CNNM4: variants seen among roughly 807,000 people sequenced by gnomAD.
CNNM4 encodes the protein metal transporter CNNM4.
A neutral mutation model predicts 53.7 loss-of-function variants in CNNM4; 32 were observed. The ratio of observed to expected loss-of-function variants is 0.60; its 90% CI spans 0.45 to 0.80. CNNM4 has a LOEUF of 0.80. CNNM4 is among the 30% of genes least tolerant of loss of function. CNNM4 has a pLI of 0.00. For synonymous variants in CNNM4, 410 were observed against 440.0 expected, an observed-to-expected ratio of 0.93 and a Z score of 0.85; for missense variants, 784 against 1,022.0, an observed-to-expected ratio of 0.77 and a Z score of 3.17.
rs2078809900 is a variant in CNNM4, at chr2:96,765,627, T to G, written c.1402+3226T>G. On this transcript the variant is annotated intron_variant, in intron 1 of 6. Coordinates refer to ENST00000377075, the MANE Select transcript of CNNM4 (RefSeq NM_020184.4). ...ATTCTTTCTTTCCCCTTTCCAGCAT[T>G]ATAAGCTCCTTGAGGGTAGAGGCCA... is the stretch of plus-strand genomic sequence containing the variant. Among the ~76,000 whole-genome samples the G allele has an allele frequency of 2.0e-5, 3 of 152,108 alleles. No individual in the cohort carries two copies. The South Asian group carries it at 6.2e-4, about 32-fold the overall frequency.
intron 1 of CNNM4, among the ~76,000 whole-genome samples, chr2:96,778,309 G>A (rs187954693): frequency 1.1e-4 from 16 of 151,710 alleles, no homozygotes; most frequent in Admixed American, 1.0e-3. Flanking sequence ...TGTAATCCCA[G>A]CACTTTTGGA....
At chr2:96,802,775 T>C (rs1025919461) in intron 5 of CNNM4, among the ~76,000 whole-genome samples, 15 of 152,354 alleles carry the variant, frequency 9.8e-5, no homozygotes, top group African/African-American at 3.6e-4. Context: ...CAGTGCCATA[T>C]GCTGCTTCTG....
At position 96,799,077 on chromosome 2, in the gene CNNM4, T is replaced by G; in HGVS notation, c.1702T>G (p.Ser568Ala). 1 of 1,614,106 alleles carries G rather than the reference T, an allele frequency of 6.2e-7. No individual in the cohort carries two copies. Among genetic ancestry groups the G allele is most frequent in the Non-Finnish European group, 8.5e-7 (1 of 1,180,002 alleles). The change falls in exon 4 of 7, where the codon TCC becomes GCC. Residue 568 changes from serine to alanine, a missense_variant. Around this residue, in one of 3 missense-constraint regions of CNNM4, gnomAD observed 307 missense variants for 376.3 expected, o/e 0.82. Coordinates refer to ENST00000377075, the MANE Select transcript of CNNM4 (RefSeq NM_020184.4). ...LATEVSQFSP[S>A]LISEKILLRL... is the part of the protein sequence containing the mutation. ...TACAGAGGTCTCTCAGTTTAGCCCC[T>G]CCCTGATATCAGAGAAGATCCTGCT... is the stretch of plus-strand genomic sequence containing the variant.
intron 1 of CNNM4, among the ~76,000 whole-genome samples, chr2:96,780,276 A>T (rs2078962320): frequency 6.6e-6 from 1 of 152,052 alleles, no homozygotes; most frequent in Non-Finnish European, 1.5e-5. Flanking sequence ...TTGATTTTCC[A>T]AAGTTTGTTA....
At chr2:96,782,023 G>T (rs1349646242) in intron 1 of CNNM4, among the ~76,000 whole-genome samples, 3 of 152,136 alleles carry the variant, frequency 2.0e-5, no homozygotes, top group African/African-American at 7.2e-5. Context: ...TCTTTATTCT[G>T]AAATACACTG....
chr2:96,765,024 G>GTTT lies in CNNM4; in HGVS notation c.1402+2663_1402+2665dup, dbSNP rs1158502593. ...GTTTAGGAGTCTGGTGTTGGGAATG[G>GTTT]TTTTTTTTTTTTTTTTTTTTTTTTT... On this transcript the variant is annotated intron_variant, in intron 1 of 6. Transcript: ENST00000377075. 2.1e-3 allele frequency among the ~76,000 whole-genome samples: 87 copies of GTTT among 41,556 alleles called. 20 individuals are homozygous for GTTT. The highest frequency in any genetic ancestry group is 2.7e-3 in the Non-Finnish European group (61 of 22,800). The allele number at this position is 41,556 out of a possible 152,430, so 27.3% of individuals were successfully genotyped here.
At chr2:96,805,422 T>TG (rs1484754971) in intron 5 of CNNM4, among the ~76,000 whole-genome samples, 41 of 139,280 alleles carry the variant, frequency 2.9e-4, no homozygotes, top group Non-Finnish European at 5.1e-4. Context: ...TTTTCAGTTT[T>TG]TTTTTTTTTT....
In CNNM4 at chr2:96,801,684, C is replaced by T. The variant is rs144118000; in HGVS notation, c.1948+2036C>T. ...CACACACACACACACAGAGACCACA[C>T]GCAGAGAGACCACACACACGCAGAG... On this transcript the variant is annotated intron_variant, in intron 5 of 6. Coordinates refer to ENST00000377075, the MANE Select transcript of CNNM4 (RefSeq NM_020184.4). The surrounding 1 kb of genome is among the most constrained non-coding windows in gnomAD (Gnocchi z 5.6). Among the ~76,000 whole-genome samples, 16 of 148,388 alleles carry T rather than the reference C, an allele frequency of 1.1e-4. No homozygotes were observed. Among genetic ancestry groups the T allele is most frequent in the Admixed American group, 2.7e-4 (4 of 14,978 alleles).
intron 1 of CNNM4, among the ~76,000 whole-genome samples, chr2:96,775,460 T>A (rs2078916045): frequency 6.6e-6 from 1 of 152,220 alleles, no homozygotes; most frequent in African/African-American, 2.4e-5. Context: ...GGACATTGCA[T>A]TGTTTGCAGT....
At chr2:96,786,117 T>A (rs931633866) in intron 1 of CNNM4, among the ~76,000 whole-genome samples, 2 of 151,326 alleles carry the variant, frequency 1.3e-5, no homozygotes, top group African/African-American at 4.9e-5. Context: ...TAAAAATAAT[T>A]TTTAAAAAGT....
At chr2:96,773,526 C>T (rs565392285) in intron 1 of CNNM4, among the ~76,000 whole-genome samples, 17 of 152,116 alleles carry the variant, frequency 1.1e-4, no homozygotes, top group Non-Finnish European at 2.2e-4. Context: ...CTGACACCTA[C>T]CATGTACCCA....
chr2:96,809,450 A>G lies in CNNM4; in HGVS notation c.2261A>G (p.Glu754Gly). The G allele has an allele frequency of 1.9e-6, 3 of 1,614,212 alleles. No homozygotes were observed. Among genetic ancestry groups the G allele is most frequent in the Non-Finnish European group, 2.5e-6 (3 of 1,180,020 alleles). The change falls in exon 7 of 7, where the codon GAG becomes GGG. Residue 754 changes from glutamate (E) to glycine (G), a missense_variant. Coordinates refer to ENST00000377075, the MANE Select transcript of CNNM4 (RefSeq NM_020184.4). ...AEKSELPVVDETTTLLNERNS... is the reference protein window; with the variant it reads ...AEKSELPVVDGTTTLLNERNS... ...AAGTCTGAGCTGCCTGTGGTGGACG[A>G]GACCACAACTCTTCTCAACGAGCGT...
At chr2:96,806,527 A>ACGCGCGCG (rs1367202120) in intron 5 of CNNM4, among the ~76,000 whole-genome samples, 1 of 142,212 alleles carries the variant, frequency 7.0e-6, no homozygotes, top group Non-Finnish European at 1.5e-5. Flanking sequence ...ACACACACAC[A>ACGCGCGCG]CACACACACG....
intron 1 of CNNM4, 120 bp downstream of exon 1, chr2:96,762,521 C>G (rs1435962956): frequency 1.0e-6 from 1 of 971,006 alleles, no homozygotes; most frequent in Non-Finnish European, 1.6e-6. Context: ...CTTTGCCTAT[C>G]GCTTCCTATG....
At chr2:96,772,264 T>G (rs187856684) in intron 1 of CNNM4, among the ~76,000 whole-genome samples, 1 of 123,062 alleles carries the variant, frequency 8.1e-6, no homozygotes. Flanking sequence ...ACACACCCCA[T>G]GCGCGCACAC....
intron 1 of CNNM4, among the ~76,000 whole-genome samples, chr2:96,774,996 A>G (rs1308988378): frequency 2.2e-5 from 3 of 138,936 alleles, no homozygotes; most frequent in African/African-American, 8.5e-5. Context: ...AAAAAAAAAA[A>G]AAGCCAGAAG....
At chr2:96,781,286 G>T (rs1230228532) in intron 1 of CNNM4, among the ~76,000 whole-genome samples, 1 of 150,514 alleles carries the variant, frequency 6.6e-6, no homozygotes, top group Non-Finnish European at 1.5e-5. Flanking sequence ...GCCTGATCTC[G>T]AACTCTTGAC....
chr2:96,782,568 G>A (rs1412999315), intron 1 of CNNM4, among the ~76,000 whole-genome samples: 1 of 151,484 alleles, frequency 6.6e-6, no homozygotes, highest in Non-Finnish European at 1.5e-5. Flanking sequence ...TAATATTCTT[G>A]TCCTCTTCCT....
In CNNM4 at chr2:96,799,635, C is replaced by G; in HGVS notation, c.1935C>G (p.Thr645=). 1 of 1,552,100 alleles carries G rather than the reference C, an allele frequency of 6.4e-7. No homozygotes were observed. The highest frequency in any genetic ancestry group is 8.7e-7 in the Non-Finnish European group (1 of 1,147,134). The part of the protein sequence containing the change: ...AFSYYGTMAL[T]SVPSDRSPAH... ...CCTACTATGGGACTATGGCCCTGAC[C>G]TCGGTCCCCTCCGGTGAGTTGTTGG... Residue 645 remains threonine (T), a synonymous_variant, in exon 5 of 7, where the codon ACC becomes ACG. Coordinates refer to ENST00000377075, the MANE Select transcript of CNNM4 (RefSeq NM_020184.4).
Sources: allele counts gnomAD v4.1 joint callset (sites outside exome capture counted in the v4.1 genomes callset), GRCh38; gene constraint gnomAD v4.1.1; regional missense constraint gnomAD v4.1.1; non-coding constraint Gnocchi (gnomAD v3.1); transcripts MANE v1.5; gene names NCBI Gene and HGNC (gene_info 2026-07-23, HGNC 2026-07-21).